ITGAE: variants seen among roughly 807,000 people sequenced by gnomAD.
The protein encoded by ITGAE is integrin alpha-E.
In ITGAE, 99 loss-of-function variants were observed where a neutral mutation model predicts 136.5. That is an observed-to-expected ratio of 0.73 (90% CI 0.62 to 0.86). ITGAE has a LOEUF of 0.86. Ranked by LOEUF, ITGAE falls within the 40% of genes least tolerant of loss-of-function variation. The pLI is 0.00. For missense variants in ITGAE, 1,447 were observed against 1,515.3 expected (o/e 0.95, Z 0.75); for synonymous variants, 613 against 591.8 (o/e 1.04, Z -0.52).
In ITGAE at chr17:3,764,098, T is replaced by C. The variant is rs145530074; in HGVS notation, c.156-138A>G. 320 of 630,018 alleles carry C rather than the reference T, an allele frequency of 5.1e-4. 3 individuals carry two copies. In the East Asian group the frequency reaches 8.7e-3, roughly 17 times the overall value. 39.0% of individuals were successfully genotyped at this position (630,018 alleles called of 1,614,324 possible). A position where few individuals can be genotyped will look rare whatever the true frequency, so the allele number is the denominator to read the frequency against. On this transcript the variant is annotated intron_variant, in intron 2 of 30. Coordinates refer to ENST00000263087, the MANE Select transcript of ITGAE (RefSeq NM_002208.5). ...GCCGGCAGATTCCTAGCCCAGACTC[T>C]GGATTATGGGGAAGACATTTGCCCA...
At chr17:3,734,442 T>G (rs1408508104) in intron 21 of ITGAE, among the ~76,000 whole-genome samples, 1 of 152,178 alleles carries the variant, frequency 6.6e-6, no homozygotes, top group Non-Finnish European at 1.5e-5. Context: ...AGCCACAGGG[T>G]GTCCTCGGGA....
At chr17:3,723,924 C>T (rs986285929) in intron 26 of ITGAE, 180 bp from the exon 27 acceptor site, 34 of 1,542,302 alleles carry the variant, frequency 2.2e-5, no homozygotes, top group African/African-American at 5.6e-5. Context: ...AACCTCTTGG[C>T]GGGTGCCGGC....
chr17:3,724,576 G>A (rs545708847), intron 26 of ITGAE: 23 of 1,614,158 alleles, frequency 1.4e-5, no homozygotes, highest in East Asian at 2.2e-5. Flanking sequence ...TCCCTGGACC[G>A]AGCATCTCTC....
At chr17:3,793,769 G>A (rs963646163) in intron 1 of ITGAE, among the ~76,000 whole-genome samples, 2 of 151,564 alleles carry the variant, frequency 1.3e-5, no homozygotes, top group African/African-American at 2.4e-5. Flanking sequence ...GGATGGTCTC[G>A]AACTCCTGGC....
chr17:3,763,227 A>G (rs1391670140), intron 3 of ITGAE, among the ~76,000 whole-genome samples: 5 of 152,146 alleles, frequency 3.3e-5, no homozygotes, highest in East Asian at 3.8e-4. Flanking sequence ...ATTTATATAT[A>G]TATAGCCAAG....
intron 20 of ITGAE, among the ~76,000 whole-genome samples, chr17:3,738,045 A>G (rs2051499152): frequency 1.3e-5 from 2 of 152,212 alleles, no homozygotes; most frequent in South Asian, 4.1e-4. Context: ...TGTCTATGAA[A>G]GGGCTGACCA....
At chr17:3,755,769 C>A in intron 11 of ITGAE, 61 bp downstream of exon 11, 1 of 1,465,280 alleles carries the variant, frequency 6.8e-7, no homozygotes, top group South Asian at 1.2e-5. Context: ...TCCCTGAATC[C>A]TAGGTGTCCT....
At chr17:3,752,968 A>T (rs879498302) in intron 14 of ITGAE, among the ~76,000 whole-genome samples, 1 of 152,352 alleles carries the variant, frequency 6.6e-6, no homozygotes, top group Middle Eastern at 3.4e-3. Flanking sequence ...GAATTGCTTG[A>T]ACCCCGGAGG....
At chr17:3,772,977 T>C (rs1567548835) in intron 2 of ITGAE, among the ~76,000 whole-genome samples, 1 of 152,108 alleles carries the variant, frequency 6.6e-6, no homozygotes, top group Non-Finnish European at 1.5e-5. Context: ...AATTCCGACA[T>C]GCTCCACCTG....
intron 21 of ITGAE, among the ~76,000 whole-genome samples, chr17:3,733,248 G>C (rs1023365712): frequency 2.0e-5 from 3 of 152,036 alleles, no homozygotes; most frequent in African/African-American, 7.2e-5. Context: ...GCCTCCCAAA[G>C]TGATGGGATT....
In ITGAE at chr17:3,737,903, T is replaced by C. The variant is rs147078993; in HGVS notation, c.2522+1902A>G. Among the ~76,000 whole-genome samples, 553 of 152,308 alleles carry C rather than the reference T, an allele frequency of 3.6e-3. 4 individuals are homozygous for C. The highest frequency in any genetic ancestry group is 0.014 in the Middle Eastern group (4 of 294). ...GATGTAGGGCAAGCCATGCGTGCTG[T>C]ATCTCTACTACCCCCAGTAGCTGGC... On this transcript the variant is annotated intron_variant, in intron 20 of 30. Transcript: ENST00000263087.
In ITGAE at chr17:3,785,487, G is replaced by A. The variant is rs2052762617; in HGVS notation, c.35-7827C>T. 4.3e-5 allele frequency among the ~76,000 whole-genome samples: 6 copies of A among 138,642 alleles called. No homozygotes were observed. The South Asian group carries it at 1.4e-3, about 33-fold the overall frequency. 91.0% of individuals were successfully genotyped at this position (138,642 alleles called of 152,430 possible). On this transcript the variant is annotated intron_variant, in intron 1 of 30. Transcript: ENST00000263087. ...GGGAAAGAAGAAAGAAAGGAAGGAA[G>A]GAAGGAAGGAGGAAGGAAGGAAGGA...
At chr17:3,727,258 C>T (rs2051234780) in intron 26 of ITGAE, among the ~76,000 whole-genome samples, 1 of 152,034 alleles carries the variant, frequency 6.6e-6, no homozygotes, top group Admixed American at 6.6e-5. Flanking sequence ...AAAAGAGTCT[C>T]AGGGGAGAAG....
At chr17:3,721,208 C>A (rs560027475) in intron 28 of ITGAE, among the ~76,000 whole-genome samples, 3 of 149,446 alleles carry the variant, frequency 2.0e-5, no homozygotes, top group Non-Finnish European at 4.4e-5. Context: ...AGATTACAGG[C>A]ATGAGCCACC....
Position 3,731,118 on chromosome 17 carries a change from A to T in ITGAE, c.2820T>A (p.Thr940=). The T allele has an allele frequency of 6.2e-7, 1 of 1,613,244 alleles. No individual in the cohort carries two copies. Among genetic ancestry groups the T allele is most frequent in the Non-Finnish European group, 8.5e-7 (1 of 1,179,336 alleles). The change falls in exon 23 of 31, where the codon ACT becomes ACA. Residue 940 remains threonine (T), a synonymous_variant. Coordinates refer to ENST00000263087, the MANE Select transcript of ITGAE (RefSeq NM_002208.5). ...NAFPNRTADI[T]VTVTNSNERR... ...GCAGTACTTACTTGGTGACAGTCAC[A>T]GTGATGTCTGCTGTCCTGTTTGGAA...
chr17:3,764,385 C>A (rs779904474), intron 2 of ITGAE, among the ~76,000 whole-genome samples: 1 of 152,174 alleles, frequency 6.6e-6, no homozygotes, highest in African/African-American at 2.4e-5. Context: ...TGCCCCTATC[C>A]TGTGGGTCAG....
rs371009894 is a variant in ITGAE at position 3,757,060 on chromosome 17, A to G, written c.1095T>C (p.His365=). 2.6e-5 allele frequency: 42 copies of G among 1,614,048 alleles called. No homozygotes were observed. The East Asian group carries it at 3.1e-4, about 12-fold the overall frequency. Residue 365 remains histidine (H), a synonymous_variant, in exon 10 of 31, where the codon CAT becomes CAC. Transcript: ENST00000263087. The part of the protein sequence containing the change: ...NLIASDPDET[H]AFKVTNYMAL... Reference sequence around the variant, plus strand: ...CCATGTAGTTGGTCACCTTGAAAGCATGGGTCTCATCCGGGTCTGAGGCGA... The same window carrying G: ...CCATGTAGTTGGTCACCTTGAAAGCGTGGGTCTCATCCGGGTCTGAGGCGA...
chr17:3,742,842 G>T (rs1050469547), intron 19 of ITGAE, among the ~76,000 whole-genome samples: 1 of 152,144 alleles, frequency 6.6e-6, no homozygotes, highest in Non-Finnish European at 1.5e-5. Flanking sequence ...AGTAGAGACA[G>T]GGTTTCACCA....
At chr17:3,715,636 C>T (rs568899043) in intron 30 of ITGAE, among the ~76,000 whole-genome samples, 11 of 152,220 alleles carry the variant, frequency 7.2e-5, no homozygotes, top group African/African-American at 9.6e-5. Context: ...GAAGATGGCT[C>T]GAGCCCCGGA....
Sources: allele counts gnomAD v4.1 joint callset (sites outside exome capture counted in the v4.1 genomes callset), GRCh38; gene constraint gnomAD v4.1.1; transcripts MANE v1.5; gene names NCBI Gene and HGNC (gene_info 2026-07-23, HGNC 2026-07-21).